Variants in SOCS5 observed in about 807,000 individuals in gnomAD.
SOCS5 encodes the protein suppressor of cytokine signaling 5.
A neutral mutation model predicts 42.8 loss-of-function variants in SOCS5; 32 were observed. The ratio of observed to expected loss-of-function variants is 0.75; its 90% confidence interval spans 0.56 to 1.01. The LOEUF (loss-of-function observed/expected upper bound fraction) is 1.01, where lower values mean the gene tolerates loss of function less well. Ranked by LOEUF, SOCS5 falls within the 50% of genes least tolerant of loss-of-function variation. The pLI, the probability that SOCS5 is intolerant of heterozygous loss-of-function variation, is 0.00. For synonymous variants in SOCS5, 283 were observed against 229.6 expected (o/e 1.23, Z -2.10); for missense variants, 627 against 653.0 (o/e 0.96, Z 0.43).
chr2:46,751,271 G>C (rs1019272781), intron 1 of SOCS5, among the ~76,000 whole-genome samples: 5 of 152,024 alleles, frequency 3.3e-5, no homozygotes, highest in African/African-American at 9.6e-5. Context: ...TCAAGATTCA[G>C]CTTTTTTCCA....
chr2:46,727,748 G>C (rs987448188), intron 1 of SOCS5, among the ~76,000 whole-genome samples: 1 of 152,160 alleles, frequency 6.6e-6, no homozygotes, highest in Non-Finnish European at 1.5e-5. Flanking sequence ...GCTCTGGGAT[G>C]AAGCCAGGAG....
intron 1 of SOCS5, among the ~76,000 whole-genome samples, chr2:46,725,177 A>G (rs1672964272): frequency 6.6e-6 from 1 of 151,976 alleles, no homozygotes; most frequent in Non-Finnish European, 1.5e-5. Context: ...TGATATAGCC[A>G]GTTCAGGTTT....
At chr2:46,748,522 G>T (rs1413169451) in intron 1 of SOCS5, among the ~76,000 whole-genome samples, 1 of 151,988 alleles carries the variant, frequency 6.6e-6, no homozygotes, top group Non-Finnish European at 1.5e-5. Context: ...AGGGAGGGTA[G>T]ATCCAAAAAG....
chr2:46,701,908 G>C (rs972616348), intron 1 of SOCS5, among the ~76,000 whole-genome samples: 5 of 150,994 alleles, frequency 3.3e-5, no homozygotes, highest in African/African-American at 1.2e-4. Context: ...TTCAGTTAGT[G>C]TGGCGGTTTT....
chr2:46,702,393 A>C (rs1672364720), intron 1 of SOCS5, among the ~76,000 whole-genome samples: 1 of 152,220 alleles, frequency 6.6e-6, no homozygotes, highest in Non-Finnish European at 1.5e-5. Flanking sequence ...TTAGGTCTGC[A>C]TATCAAATTA....
intron 1 of SOCS5, among the ~76,000 whole-genome samples, chr2:46,750,681 A>G (rs1208377666): frequency 6.6e-6 from 1 of 152,216 alleles, no homozygotes; most frequent in Non-Finnish European, 1.5e-5. Flanking sequence ...ACAGGCCTAC[A>G]CAAGGGTCAT....
intron 1 of SOCS5, among the ~76,000 whole-genome samples, chr2:46,747,478 A>C (rs138009646): frequency 0.02 from 3,060 of 152,220 alleles, 49 homozygotes; most frequent in Non-Finnish European, 0.026. Context: ...GGCCTCCCAA[A>C]GTGCTGAGAT....
At chr2:46,749,489 G>A (rs904823353) in intron 1 of SOCS5, among the ~76,000 whole-genome samples, 1 of 152,062 alleles carries the variant, frequency 6.6e-6, no homozygotes, top group Admixed American at 6.5e-5. Flanking sequence ...CAATAATGCT[G>A]GCCAAATAAG....
chr2:46,729,028 C>T (rs918995954), intron 1 of SOCS5, among the ~76,000 whole-genome samples: 1 of 152,118 alleles, frequency 6.6e-6, no homozygotes, highest in Non-Finnish European at 1.5e-5. Context: ...GAGTGAGACC[C>T]CATAATTCGT....
chr2:46,756,284 T>C (rs1673727708), intron 1 of SOCS5, among the ~76,000 whole-genome samples: 1 of 152,244 alleles, frequency 6.6e-6, no homozygotes, highest in African/African-American at 2.4e-5. Flanking sequence ...AATATGGCTC[T>C]TCTAGTGTCT....
chr2:46,729,720 T>TCA (rs1377684409), intron 1 of SOCS5, among the ~76,000 whole-genome samples: 1 of 152,194 alleles, frequency 6.6e-6, no homozygotes, highest in Non-Finnish European at 1.5e-5. Context: ...GCCTAGAACA[T>TCA]TACTGTATTG....
At chr2:46,723,298 T>C (rs879343784) in intron 1 of SOCS5, among the ~76,000 whole-genome samples, 6 of 152,096 alleles carry the variant, frequency 3.9e-5, no homozygotes, top group Non-Finnish European at 8.8e-5. Context: ...CTACAAAACA[T>C]TAGATCTGTG....
intron 1 of SOCS5, among the ~76,000 whole-genome samples, chr2:46,752,010 C>G (rs1443782573): frequency 2.0e-5 from 3 of 152,156 alleles, no homozygotes; most frequent in African/African-American, 7.2e-5. Flanking sequence ...TGCATGTTGC[C>G]TATGGCTGCA....
chr2:46,715,739 A>T (rs1451585919), intron 1 of SOCS5, among the ~76,000 whole-genome samples: 3 of 152,170 alleles, frequency 2.0e-5, no homozygotes, highest in Non-Finnish European at 4.4e-5. Context: ...TTTCGTTTGT[A>T]TCACTGATTG....
At chr2:46,708,115 T>C (rs72881382) in intron 1 of SOCS5, among the ~76,000 whole-genome samples, 2,534 of 152,298 alleles carry the variant, frequency 0.017, 69 homozygotes, top group African/African-American at 0.057. Flanking sequence ...TTGTGGTAGA[T>C]AGATGACAGT....
intron 1 of SOCS5, among the ~76,000 whole-genome samples, chr2:46,719,287 T>C (rs1467981976): frequency 6.6e-6 from 1 of 152,192 alleles, no homozygotes; most frequent in East Asian, 1.9e-4. Context: ...TTTGTTGAGC[T>C]TTATAACTAG....
intron 1 of SOCS5, among the ~76,000 whole-genome samples, chr2:46,738,905 A>T (rs1324567525): frequency 1.3e-5 from 2 of 152,236 alleles, no homozygotes; most frequent in African/African-American, 4.8e-5. Flanking sequence ...AGTAAGTAAG[A>T]TGCAGAACCA....
At chr2:46,713,858 TC>T (rs1672682062) in intron 1 of SOCS5, among the ~76,000 whole-genome samples, 1 of 152,240 alleles carries the variant, frequency 6.6e-6, no homozygotes, top group South Asian at 2.1e-4. Flanking sequence ...TAATTATTAT[TC>T]CATTCAAAAT....
intron 1 of SOCS5, among the ~76,000 whole-genome samples, chr2:46,719,939 A>G (rs1672842708): frequency 6.6e-6 from 1 of 152,190 alleles, no homozygotes. Context: ...AAAACTGATA[A>G]AGAAAGCAAA....
Sources: allele counts gnomAD v4.1 joint callset (sites outside exome capture counted in the v4.1 genomes callset), GRCh38; gene constraint gnomAD v4.1.1; transcripts MANE v1.5; gene names NCBI Gene and HGNC (gene_info 2026-07-23, HGNC 2026-07-21).